The following EXD3 variants were observed in gnomAD, a reference collection of about 807,000 sequenced individuals.
EXD3 encodes the protein exonuclease mut-7 homolog.
EXD3 carries 92 observed loss-of-function variants against 98.0 expected under a neutral mutation model. That is an observed-to-expected ratio of 0.94 (90% CI 0.79 to 1.12). EXD3 has a LOEUF of 1.12. Ranked by LOEUF, EXD3 falls within the 50% of genes most tolerant of loss-of-function variation. The pLI is 0.00. For missense variants in EXD3, 1,222 were observed against 1,191.6 expected, an observed-to-expected ratio of 1.03 and a Z score of -0.38; for synonymous variants, 569 against 526.0, an observed-to-expected ratio of 1.08 and a Z score of -1.12.
At chr9:137,310,229 C>T (rs149854032) in intron 19 of EXD3, among the ~76,000 whole-genome samples, 3,143 of 152,284 alleles carry the variant, frequency 0.021, 60 homozygotes, top group Non-Finnish European at 0.031. Flanking sequence ...GGGCACAAAA[C>T]GGGCCCCCAT....
intron 17 of EXD3, among the ~76,000 whole-genome samples, chr9:137,325,284 A>G (rs527991141): frequency 6.6e-6 from 1 of 152,340 alleles, no homozygotes; most frequent in African/African-American, 2.4e-5. Context: ...GCAGAAAGCA[A>G]CAGTGAAGAG....
At position 137,373,490 on chromosome 9, in the gene EXD3, G is replaced by T; in HGVS notation, c.230C>A (p.Ala77Glu). ...RGQRGEGPSLAAWISHQLQCW... is the reference protein window; with the variant it reads ...RGQRGEGPSLEAWISHQLQCW... ...CTGCAGCTGGTGGGAGATCCAGGCC[G>T]CCAGGGAGGGGCCCTCTCCCCGCTG... The change falls in exon 4 of 22, where the codon GCG becomes GAG. Residue 77 changes from alanine (A) to glutamate (E), a missense_variant. Transcript: ENST00000340951. 1 of 1,608,300 alleles carries T rather than the reference G, an allele frequency of 6.2e-7. No homozygotes were observed. Among genetic ancestry groups the T allele is most frequent in the Non-Finnish European group, 8.5e-7 (1 of 1,178,354 alleles).
intron 3 of EXD3, chr9:137,374,963 G>C (rs1835820147): frequency 1.7e-6 from 1 of 579,404 alleles, no homozygotes; most frequent in Admixed American, 6.3e-5. Context: ...TATAGCTCTA[G>C]TGAGTTCCAG....
intron 17 of EXD3, among the ~76,000 whole-genome samples, chr9:137,327,291 G>A (rs1010708111): frequency 2.0e-5 from 3 of 151,946 alleles, no homozygotes; most frequent in Admixed American, 6.6e-5. Context: ...CCTCCACCAC[G>A]GCCCGCTGAT....
chr9:137,324,267 A>T lies in EXD3; in HGVS notation c.1999-124T>A. Reference sequence around the variant, plus strand: ...CTGCCCCAGGCCCCTTTTGTCCTCCAGGGTGGCCTCTGCCTGGGGTCTTGG... The same window carrying T: ...CTGCCCCAGGCCCCTTTTGTCCTCCTGGGTGGCCTCTGCCTGGGGTCTTGG... On this transcript the variant is annotated intron_variant, in intron 17 of 21. Transcript: ENST00000340951. This position sits in a 1 kb window ranked among gnomAD's most constrained non-coding sequence, Gnocchi z 4.1. The T allele has an allele frequency of 1.2e-6, 1 of 805,366 alleles. No homozygotes were observed. The highest frequency in any genetic ancestry group is 1.7e-5 in the South Asian group (1 of 57,926). The allele number at this position is 805,366 out of a possible 1,614,324, so 49.9% of individuals were successfully genotyped here. A position where few individuals can be genotyped will look rare whatever the true frequency, so the allele number is the denominator to read the frequency against.
intron 1 of EXD3, among the ~76,000 whole-genome samples, chr9:137,420,883 T>C (rs541450817): frequency 6.6e-6 from 1 of 152,224 alleles, no homozygotes; most frequent in South Asian, 2.1e-4. Context: ...GGTGCGATCA[T>C]AGCTCACTGC....
At position 137,393,668 on chromosome 9, in the gene EXD3, C is replaced by T. The variant is rs1035653054; in HGVS notation, c.55+1635G>A. Among the ~76,000 whole-genome samples the T allele has an allele frequency of 2.6e-5, 4 of 152,150 alleles. No individual in the cohort carries two copies. The highest frequency in any genetic ancestry group is 5.9e-5 in the Non-Finnish European group (4 of 67,988). On this transcript the variant is annotated intron_variant, in intron 2 of 21. Coordinates refer to ENST00000340951, the MANE Select transcript of EXD3 (RefSeq NM_017820.5). The surrounding 1 kb of genome is among the most constrained non-coding windows in gnomAD (Gnocchi z 4.6). ...GGTCCAAGGCCCGAGGAGGCAACTG[C>T]GTGGGATAGGGAAACTGAGGCAGAG...
intron 12 of EXD3, 71 bp from the exon 13 acceptor site, chr9:137,351,599 C>G (rs991737557): frequency 2.9e-5 from 40 of 1,391,024 alleles, no homozygotes; most frequent in Non-Finnish European, 3.9e-5. Flanking sequence ...GCCTGGAGGT[C>G]CTGAGCAGCT....
chr9:137,417,908 G>C (rs1564225715), intron 1 of EXD3, among the ~76,000 whole-genome samples: 1 of 152,136 alleles, frequency 6.6e-6, no homozygotes, highest in Non-Finnish European at 1.5e-5. Flanking sequence ...AGGGGCTGGC[G>C]GGGCCGGAGG....
rs150292386 is a variant in EXD3, at chr9:137,355,464, A to AG, written c.758-692dup. ...GGAAGGGAGGATGGAGGAAGGAGAA[A>AG]GGAGGAAGGAGGAAGGAGGAAGGAG... On this transcript the variant is annotated intron_variant, in intron 8 of 21. Coordinates refer to ENST00000340951, the MANE Select transcript of EXD3 (RefSeq NM_017820.5). 7.1e-3 allele frequency among the ~76,000 whole-genome samples: 197 copies of AG among 27,914 alleles called. 4 individuals carry two copies. Among genetic ancestry groups the AG allele is most frequent in the African/African-American group, 0.023 (149 of 6,606 alleles). 18.3% of individuals were successfully genotyped at this position (27,914 alleles called of 152,430 possible).
Position 137,349,245 on chromosome 9 carries a change from G to A in EXD3, c.1695C>T (p.Ala565=). The A allele has an allele frequency of 6.4e-7, 1 of 1,574,562 alleles. No individual in the cohort carries two copies. The highest frequency in any genetic ancestry group is 8.6e-7 in the Non-Finnish European group (1 of 1,167,048). The stretch of plus-strand genomic sequence containing the variant: ...GGAAGCGGGCGGGCTCTCTGCACAG[G>A]GCTTGGTGCACCTCCAGCAGGCAGT... The part of the protein sequence containing the change: ...DAYCLLEVHQ[A]LCREPARFHL... The change falls in exon 16 of 22, where the codon GCC becomes GCT. Residue 565 remains alanine, a synonymous_variant. Transcript: ENST00000340951. The surrounding 1 kb of genome is among the most constrained non-coding windows in gnomAD (Gnocchi z 7.4).
At chr9:137,368,894 GGGGC>G (rs938260386) in intron 5 of EXD3, among the ~76,000 whole-genome samples, 6 of 148,142 alleles carry the variant, frequency 4.1e-5, no homozygotes, top group Admixed American at 3.3e-4. Context: ...GGTCCGGGGC[GGGGC>G]CCCAGGGCTG....
intron 1 of EXD3, among the ~76,000 whole-genome samples, chr9:137,417,779 C>T (rs1450615993): frequency 6.6e-6 from 1 of 152,122 alleles, no homozygotes; most frequent in Non-Finnish European, 1.5e-5. Flanking sequence ...GCCCTTCCCG[C>T]CTCCTTCAAG....
At chr9:137,363,283 C>CT (rs113879712) in intron 7 of EXD3, among the ~76,000 whole-genome samples, 516 of 122,246 alleles carry the variant, frequency 4.2e-3, no homozygotes, top group African/African-American at 9.9e-3. Flanking sequence ...TTGGGCTGCG[C>CT]TTTTTTTTTT....
intron 1 of EXD3, among the ~76,000 whole-genome samples, chr9:137,419,899 C>T (rs758921369): frequency 9.9e-5 from 15 of 152,164 alleles, no homozygotes; most frequent in South Asian, 2.1e-4. Context: ...GTGGCTCATG[C>T]CTGTAATCCC....
intron 2 of EXD3, among the ~76,000 whole-genome samples, chr9:137,386,289 GTCAA>G (rs1020676294): frequency 2.4e-4 from 36 of 152,050 alleles, no homozygotes; most frequent in African/African-American, 8.7e-4. Context: ...GTGAGAACCT[GTCAA>G]TCAATCCATC....
At chr9:137,309,092 G>A (rs906269854) in intron 20 of EXD3, among the ~76,000 whole-genome samples, 3 of 152,008 alleles carry the variant, frequency 2.0e-5, no homozygotes, top group East Asian at 1.9e-4. Flanking sequence ...GCGGCGGGGC[G>A]GGGGCCATAC....
rs748604235 is a variant in EXD3, at chr9:137,324,136, C to CT, written c.2005dup (p.Arg669LysfsTer63). 7 of 1,580,056 alleles carry CT rather than the reference C, an allele frequency of 4.4e-6. 1 individual carries two copies. The South Asian group carries it at 8.1e-5, about 18-fold the overall frequency. ...CGTCAGAATGATCCTCCCCTCCTGC[C>CT]TGGCAACCTGTGTGGGAGGTGCGAC... On this transcript the variant is annotated frameshift_variant, in exon 18 of 22. Transcript: ENST00000340951. LOFTEE classifies it high-confidence loss of function. This position sits in a 1 kb window ranked among gnomAD's most constrained non-coding sequence, Gnocchi z 4.1.
chr9:137,374,262 C>A lies in EXD3; in HGVS notation c.121-663G>T, dbSNP rs866769048. On this transcript the variant is annotated intron_variant, in intron 3 of 21. Coordinates refer to ENST00000340951, the MANE Select transcript of EXD3 (RefSeq NM_017820.5). The stretch of plus-strand genomic sequence containing the variant: ...GAATCTTAACAGCTAAAGGGGTGGA[C>A]GGGTTCACAGCTCAGCGCTCGGGAC... Among the ~76,000 whole-genome samples, 71 of 152,350 alleles carry A rather than the reference C, an allele frequency of 4.7e-4. No individual in the cohort carries two copies. The Middle Eastern group carries it at 0.01, about 22-fold the overall frequency.
Sources: gnomAD v4.1 joint callset for allele counts (sites outside exome capture counted in the v4.1 genomes callset) on GRCh38, gnomAD v4.1.1 for gene constraint, Gnocchi (gnomAD v3.1) non-coding constraint, MANE v1.5 for transcripts, NCBI Gene and HGNC (gene_info 2026-07-23, HGNC 2026-07-21) for gene names.